The following NEO1 variants were observed in gnomAD, a reference collection of about 807,000 sequenced individuals.
NEO1 encodes neogenin 1.
NEO1 carries 63 observed loss-of-function variants against 159.7 expected under a neutral mutation model. The observed-to-expected ratio is 0.39, with a 90% CI of 0.32 to 0.49. NEO1 has a LOEUF of 0.49. NEO1 is among the 20% of genes least tolerant of loss of function. The pLI is 0.85. For synonymous variants in NEO1, 633 were observed against 662.0 expected, an observed-to-expected ratio of 0.96 and a Z score of 0.67; for missense variants, 1,615 against 1,831.0, an observed-to-expected ratio of 0.88 and a Z score of 2.15.
intron 7 of NEO1, among the ~76,000 whole-genome samples, chr15:73,207,036 AC>A (rs1170642019): frequency 6.7e-4 from 102 of 152,268 alleles, no homozygotes; most frequent in African/African-American, 2.3e-3. Context: ...CCCTTGTTAT[AC>A]AAGTAGTTGT....
rs566694782 is a variant in NEO1, at chr15:73,070,856, C to T, written c.130+18051C>T. ...TAACTGAAACTGTAGAAAGTGAAAC[C>T]GTGGAAAGCAAAACTGTGGATAAGG... is the stretch of plus-strand genomic sequence containing the variant. On this transcript the variant is annotated intron_variant, in intron 1 of 28. Transcript: ENST00000261908. 7.1e-4 allele frequency among the ~76,000 whole-genome samples: 108 copies of T among 152,240 alleles called. 2 individuals carry two copies. Among genetic ancestry groups the T allele is most frequent in the Middle Eastern group, 3.4e-3 (1 of 294 alleles).
intron 5 of NEO1, among the ~76,000 whole-genome samples, chr15:73,136,930 T>C (rs1357267035): frequency 6.6e-6 from 1 of 151,950 alleles, no homozygotes; most frequent in African/African-American, 2.4e-5. Flanking sequence ...GAGTTAGGAG[T>C]GCTGTTTCAC....
chr15:73,150,894 T>C (rs1180021300), intron 5 of NEO1, among the ~76,000 whole-genome samples: 1 of 152,204 alleles, frequency 6.6e-6, no homozygotes, highest in African/African-American at 2.4e-5. Flanking sequence ...AGTAATCATG[T>C]TGTCTGTGTT....
chr15:73,249,311 A>G, intron 10 of NEO1, 103 bp downstream of exon 10: 2 of 1,294,560 alleles, frequency 1.5e-6, no homozygotes, highest in Non-Finnish European at 2.1e-6. Context: ...AGGGGGAAAA[A>G]GAAACATAGG....
At chr15:73,237,907 C>T (rs913488488) in intron 8 of NEO1, among the ~76,000 whole-genome samples, 6 of 152,140 alleles carry the variant, frequency 3.9e-5, no homozygotes, top group Admixed American at 6.5e-5. Flanking sequence ...TCTTATTGTG[C>T]GTTCTACCAG....
At chr15:73,074,148 C>T (rs1027667901) in intron 1 of NEO1, among the ~76,000 whole-genome samples, 1 of 152,172 alleles carries the variant, frequency 6.6e-6, no homozygotes, top group African/African-American at 2.4e-5. Context: ...TTTGAGGACT[C>T]AAGTCATGTC....
At position 73,126,580 on chromosome 15, in the gene NEO1, G is replaced by A. The variant is rs749035439; in HGVS notation, c.878+10G>A. On this transcript the variant is annotated intron_variant, in intron 4 of 28. Transcript: ENST00000261908. ...CACTTGACACAGAAAGGTAAGTGTT[G>A]TCTGCCTAAAAGCCTTCTTCAGCCT... The A allele has an allele frequency of 1.4e-5, 22 of 1,610,448 alleles. No individual in the cohort carries two copies. The African/African-American group carries it at 2.8e-4, about 21-fold the overall frequency.
At chr15:73,300,217 C>T (rs531767190) in intron 27 of NEO1, among the ~76,000 whole-genome samples, 6 of 152,230 alleles carry the variant, frequency 3.9e-5, no homozygotes, top group Admixed American at 1.3e-4. Flanking sequence ...ACCATGGTGG[C>T]GGATGCAAGT....
intron 8 of NEO1, among the ~76,000 whole-genome samples, chr15:73,238,271 GTTTTTTTTTTT>G (rs55887721): frequency 3.3e-4 from 13 of 38,848 alleles, no homozygotes; most frequent in South Asian, 1.3e-3. Flanking sequence ...TTTAGTTTGG[GTTTTTTTTTTT>G]TTTTTTTTTT....
At position 73,195,566 on chromosome 15, in the gene NEO1, C is replaced by G. The variant is rs182691248; in HGVS notation, c.1291+17139C>G. On this transcript the variant is annotated intron_variant, in intron 7 of 28. Coordinates refer to ENST00000261908, the MANE Select transcript of NEO1 (RefSeq NM_002499.4). ...TTTAGTATTAACATTTTAAATGTTACTACTGCCTCATAACTGCTGTAATAG... is the reference window on the plus strand; with the variant it reads ...TTTAGTATTAACATTTTAAATGTTAGTACTGCCTCATAACTGCTGTAATAG... Among the ~76,000 whole-genome samples the G allele has an allele frequency of 1.8e-4, 28 of 152,220 alleles. No homozygotes were observed. In the East Asian group the frequency reaches 5.2e-3, roughly 28 times the overall value.
chr15:73,136,726 A>G (rs2031801640), intron 5 of NEO1, among the ~76,000 whole-genome samples: 1 of 152,166 alleles, frequency 6.6e-6, no homozygotes, highest in African/African-American at 2.4e-5. Context: ...TAAAGATGGC[A>G]TGACTACATA....
In NEO1 at chr15:73,223,296, C is replaced by CTTG. The variant is rs565557799; in HGVS notation, c.1292-13051_1292-13050insTTG. Among the ~76,000 whole-genome samples the CTTG allele has an allele frequency of 8.1e-4, 124 of 152,240 alleles. 2 individuals are homozygous for CTTG. In the South Asian group the frequency reaches 0.018, roughly 22 times the overall value. On this transcript the variant is annotated intron_variant, in intron 7 of 28. Transcript: ENST00000261908. Reference sequence around the variant, plus strand: ...ATGTTCTGTATATATCTGTTAAGTCCATTTGTTCCAAGGTATAGTTTAAAT... The same window carrying CTTG: ...ATGTTCTGTATATATCTGTTAAGTCCTTGATTTGTTCCAAGGTATAGTTTAAAT...
intron 16 of NEO1, among the ~76,000 whole-genome samples, chr15:73,269,792 T>C (rs1330748457): frequency 1.3e-5 from 2 of 152,326 alleles, no homozygotes. Flanking sequence ...ATATAGTTTA[T>C]TACTGCTTCT....
Position 73,236,515 on chromosome 15 carries a change from C to A in NEO1, c.1451+9C>A. ...AAGGAAGGGATTGCTAGGTAAGTGCCTGTGTGTCTGCAGCCAGTTGGCTGC... is the reference window on the plus strand; with the variant it reads ...AAGGAAGGGATTGCTAGGTAAGTGCATGTGTGTCTGCAGCCAGTTGGCTGC... On this transcript the variant is annotated intron_variant, in intron 8 of 28. Coordinates refer to ENST00000261908, the MANE Select transcript of NEO1 (RefSeq NM_002499.4). 6.2e-7 allele frequency: 1 copy of A among 1,613,024 alleles called. No homozygotes were observed. Among genetic ancestry groups the A allele is most frequent in the African/African-American group, 1.3e-5 (1 of 75,050 alleles).
intron 1 of NEO1, among the ~76,000 whole-genome samples, chr15:73,068,231 C>A (rs374522946): frequency 2.5e-5 from 3 of 120,562 alleles, no homozygotes; most frequent in African/African-American, 5.7e-5. Flanking sequence ...CTACCCCCCC[C>A]CCTTTTTTTT....
chr15:73,168,902 G>A (rs984092973), intron 5 of NEO1, among the ~76,000 whole-genome samples: 2 of 151,062 alleles, frequency 1.3e-5, no homozygotes, highest in Non-Finnish European at 2.9e-5. Context: ...TTTTTTAAAC[G>A]GCATAGATGT....
chr15:73,084,764 A>G (rs531692729), intron 1 of NEO1, among the ~76,000 whole-genome samples: 4 of 151,256 alleles, frequency 2.6e-5, no homozygotes, highest in Admixed American at 6.6e-5. Context: ...TTATGTTTCA[A>G]TTTTACCTTT....
intron 7 of NEO1, among the ~76,000 whole-genome samples, chr15:73,208,867 T>C (rs1202911292): frequency 1.3e-5 from 2 of 151,774 alleles, no homozygotes; most frequent in Non-Finnish European, 2.9e-5. Flanking sequence ...GTCTCAAAAT[T>C]AAAATAAAAT....
At position 73,238,142 on chromosome 15, in the gene NEO1, T is replaced by A. The variant is rs548862597; in HGVS notation, c.1451+1636T>A. ...AGCTTGAAATTGGGCATGGTGGGAG[T>A]GTTTACAGTGACAAATGCTGCAAAC... On this transcript the variant is annotated intron_variant, in intron 8 of 28. Transcript: ENST00000261908. Among the ~76,000 whole-genome samples, 4 of 152,214 alleles carry A rather than the reference T, an allele frequency of 2.6e-5. No homozygotes were observed. In the South Asian group the frequency reaches 8.3e-4, roughly 32 times the overall value.
Sources: allele counts gnomAD v4.1 joint callset (sites outside exome capture counted in the v4.1 genomes callset), GRCh38; gene constraint gnomAD v4.1.1; transcripts MANE v1.5; gene names NCBI Gene and HGNC (gene_info 2026-07-23, HGNC 2026-07-21).